Variants in TMEM235 observed in about 807,000 individuals in gnomAD.
TMEM235 encodes transmembrane protein 235, also known as claudin-27.
Under a neutral mutation model 22.9 loss-of-function variants are expected in TMEM235, and 23 were observed. The observed-to-expected ratio is 1.00, with a 90% CI of 0.72 to 1.42. TMEM235 has a LOEUF of 1.42. Among genes scored for constraint, TMEM235 ranks in the 40% most tolerant of loss-of-function variants. TMEM235 has a pLI of 0.00. For synonymous variants in TMEM235, 137 were observed against 140.5 expected (o/e 0.98, Z 0.17); for missense variants, 308 against 299.5 (o/e 1.03, Z -0.21).
At chr17:78,236,979 G>A (rs1436377405) in intron 4 of TMEM235, among the ~76,000 whole-genome samples, 1 of 152,250 alleles carries the variant, frequency 6.6e-6, no homozygotes, top group African/African-American at 2.4e-5. Context: ...ACCTTCGGGA[G>A]CCAGCGACTA....
At chr17:78,232,181 C>A in exon 2 of TMEM235, 1 of 1,493,306 alleles carries the variant, frequency 6.7e-7, no homozygotes, top group Non-Finnish European at 8.9e-7. Flanking sequence ...GAGCTGCTCT[C>A]CTCGCACTCG....
rs980429392 is a variant in TMEM235 at position 78,237,538 on chromosome 17, C to T, written c.410-1486C>T. ...CTTCATTTTGGGAGAAAGGCCGTGTCCTCGGCCAGGCTACAGGAGGCAGCT... is the reference window on the plus strand; with the variant it reads ...CTTCATTTTGGGAGAAAGGCCGTGTTCTCGGCCAGGCTACAGGAGGCAGCT... On this transcript the variant is annotated intron_variant, in intron 4 of 5. Transcript: ENST00000421688. This position sits in a 1 kb window ranked among gnomAD's most constrained non-coding sequence, Gnocchi z 4.7. 5.3e-5 allele frequency among the ~76,000 whole-genome samples: 8 copies of T among 152,128 alleles called. No individual in the cohort carries two copies. Among genetic ancestry groups the T allele is most frequent in the Non-Finnish European group, 1.2e-4 (8 of 68,020 alleles).
In TMEM235 at chr17:78,238,454, G is replaced by A. The variant is rs984882079; in HGVS notation, c.410-570G>A. ...GGGATGTTAGCCCCGGAGGTAGGGAGGGCAAAGGTGTGAGGAAGAGGAGGC... is the reference window on the plus strand; with the variant it reads ...GGGATGTTAGCCCCGGAGGTAGGGAAGGCAAAGGTGTGAGGAAGAGGAGGC... On this transcript the variant is annotated intron_variant, in intron 4 of 5. Coordinates refer to ENST00000421688, the Ensembl canonical transcript of TMEM235. The surrounding 1 kb of genome is among the most constrained non-coding windows in gnomAD (Gnocchi z 4.3). Among the ~76,000 whole-genome samples, 24 of 152,040 alleles carry A rather than the reference G, an allele frequency of 1.6e-4. No homozygotes were observed. Among genetic ancestry groups the A allele is most frequent in the African/African-American group, 5.8e-4 (24 of 41,408 alleles).
intron 5 of TMEM235, 76 bp from the exon 5 acceptor site, chr17:78,239,704 C>T (rs1420112212): frequency 1.9e-5 from 28 of 1,482,026 alleles, no homozygotes; most frequent in African/African-American, 1.1e-4. Flanking sequence ...TGTTAAATGC[C>T]GCAGGACTGG....
chr17:78,240,237 G>C (rs1483333636), exon 6 of TMEM235: 3 of 404,336 alleles, frequency 7.4e-6, no homozygotes, highest in Admixed American at 3.8e-5. Context: ...TGGTGGAGGA[G>C]TTTGGGGCCA....
chr17:78,231,564 G>A (rs1176862768), exon 2 of TMEM235: 1 of 1,303,814 alleles, frequency 7.7e-7, no homozygotes, highest in African/African-American at 1.5e-5. Context: ...GCACGGGTGG[G>A]TGGTCCTGCT....
In TMEM235 at chr17:78,238,516, C is replaced by T. The variant is rs1224978079; in HGVS notation, c.410-508C>T. On this transcript the variant is annotated intron_variant, in intron 4 of 5. Transcript: ENST00000421688. The surrounding 1 kb of genome is among the most constrained non-coding windows in gnomAD (Gnocchi z 4.3). ...GCAGGGACTCACTCTGATCAGAGCA[C>T]TGGGCAACGCTGCTGCCAGCAGAGG... Among the ~76,000 whole-genome samples the T allele has an allele frequency of 6.6e-6, 1 of 151,366 alleles. No individual in the cohort carries two copies. Among genetic ancestry groups the T allele is most frequent in the Non-Finnish European group, 1.5e-5 (1 of 67,898 alleles).
rs1474644719 is a variant in TMEM235 at position 78,238,332 on chromosome 17, G to C, written c.410-692G>C. ...ACCATGTGGAGAGCGGGAGGGAGGA[G>C]AGAGGAGGGCCCAGGGCAGGCATCC... On this transcript the variant is annotated intron_variant, in intron 4 of 5. Transcript: ENST00000421688. This position sits in a 1 kb window ranked among gnomAD's most constrained non-coding sequence, Gnocchi z 4.3. Among the ~76,000 whole-genome samples the C allele has an allele frequency of 6.6e-6, 1 of 152,062 alleles. No individual in the cohort carries two copies. The highest frequency in any genetic ancestry group is 1.5e-5 in the Non-Finnish European group (1 of 68,006).
rs141319760 is a variant in TMEM235, at chr17:78,237,091, C to T, written c.410-1933C>T. Among the ~76,000 whole-genome samples the T allele has an allele frequency of 8.9e-3, 1,349 of 152,200 alleles. 25 individuals carry two copies. Among genetic ancestry groups the T allele is most frequent in the African/African-American group, 0.031 (1,279 of 41,526 alleles). On this transcript the variant is annotated intron_variant, in intron 4 of 5. Transcript: ENST00000421688. The surrounding 1 kb of genome is among the most constrained non-coding windows in gnomAD (Gnocchi z 4.7). Reference sequence around the variant, plus strand: ...GGCACCGGCTAGGGGGTGGAGGGGCCGGAGGTAGCTGGTGGATGGGTGGGG... The same window carrying T: ...GGCACCGGCTAGGGGGTGGAGGGGCTGGAGGTAGCTGGTGGATGGGTGGGG...
chr17:78,238,925 A>AG lies in TMEM235; in HGVS notation c.410-98dup. ...CTGCCTGCAGCTCTGCCTGAATGCT[A>AG]GCGGGGCCGGGGATGCTGAGGCCAT... On this transcript the variant is annotated intron_variant, in intron 4 of 5. Coordinates refer to ENST00000421688, the Ensembl canonical transcript of TMEM235. The surrounding 1 kb of genome is among the most constrained non-coding windows in gnomAD (Gnocchi z 4.3). 1 of 1,453,326 alleles carries AG rather than the reference A, an allele frequency of 6.9e-7. No individual in the cohort carries two copies. The highest frequency in any genetic ancestry group is 1.4e-5 in the South Asian group (1 of 72,350). 90.0% of individuals were successfully genotyped at this position (1,453,326 alleles called of 1,614,324 possible). A position where few individuals can be genotyped will look rare whatever the true frequency, so the allele number is the denominator to read the frequency against.
intron 5 of TMEM235, 147 bp from the exon 5 acceptor site, chr17:78,239,633 C>T (rs763332131): frequency 1.3e-5 from 18 of 1,415,024 alleles, no homozygotes; most frequent in African/African-American, 1.4e-5. Flanking sequence ...GCCCCTCCCC[C>T]AGCAGGCTAG....
At chr17:78,239,991 C>T in exon 6 of TMEM235, 2 of 1,541,288 alleles carry the variant, frequency 1.3e-6, no homozygotes, top group Non-Finnish European at 1.8e-6. Flanking sequence ...CAGATGTACC[C>T]CTCTGCCCCC....
chr17:78,237,585 T>G lies in TMEM235; in HGVS notation c.410-1439T>G, dbSNP rs1332658134. Among the ~76,000 whole-genome samples, 1 of 151,942 alleles carries G rather than the reference T, an allele frequency of 6.6e-6. No homozygotes were observed. The highest frequency in any genetic ancestry group is 1.5e-5 in the Non-Finnish European group (1 of 67,956). ...AGCTGGTGTTTGGAGAGGGCTCAGC[T>G]GGTGGGGCGGCCTGCCAGGAAGTGG... On this transcript the variant is annotated intron_variant, in intron 4 of 5. Transcript: ENST00000421688. The surrounding 1 kb of genome is among the most constrained non-coding windows in gnomAD (Gnocchi z 4.7).
Position 78,232,216 on chromosome 17 carries a change from A to G in TMEM235, c.190+3A>G. On this transcript the variant is annotated splice_donor_region_variant and intron_variant, in intron 2 of 5. Coordinates refer to ENST00000421688, the Ensembl canonical transcript of TMEM235. The stretch of plus-strand genomic sequence containing the variant: ...GGGGCTCTGGCGCATCTGCGAAGGT[A>G]ACCGGCCACCGCGCCGGCCCTCCTC... 1 of 1,457,952 alleles carries G rather than the reference A, an allele frequency of 6.9e-7. No homozygotes were observed. The highest frequency in any genetic ancestry group is 2.5e-5 in the Admixed American group (1 of 40,730). 90.3% of individuals were successfully genotyped at this position (1,457,952 alleles called of 1,614,324 possible).
At chr17:78,236,413 C>T (rs1456350664) in intron 4 of TMEM235, among the ~76,000 whole-genome samples, 1 of 152,234 alleles carries the variant, frequency 6.6e-6, no homozygotes, top group African/African-American at 2.4e-5. Flanking sequence ...TAACCGGTAA[C>T]CACCCATCCA....
Position 78,237,526 on chromosome 17 carries a change from G to T in TMEM235, c.410-1498G>T, listed in dbSNP as rs2076657296. Among the ~76,000 whole-genome samples the T allele has an allele frequency of 1.3e-5, 2 of 152,130 alleles. No homozygotes were observed. The highest frequency in any genetic ancestry group is 1.3e-4 in the Admixed American group (2 of 15,280). ...CTTACTCTTCACCTTCATTTTGGGA[G>T]AAAGGCCGTGTCCTCGGCCAGGCTA... is the stretch of plus-strand genomic sequence containing the variant. On this transcript the variant is annotated intron_variant, in intron 4 of 5. Transcript: ENST00000421688. The surrounding 1 kb of genome is among the most constrained non-coding windows in gnomAD (Gnocchi z 4.7).
chr17:78,239,728 C>G, intron 5 of TMEM235, 52 bp from the exon 5 acceptor site: 1 of 1,508,988 alleles, frequency 6.6e-7, no homozygotes, highest in Non-Finnish European at 8.9e-7. Flanking sequence ...CCATGCTCCT[C>G]TCCAGCCCCG....
chr17:78,235,599 GTT>G (rs71160277), intron 4 of TMEM235, among the ~76,000 whole-genome samples: 3 of 118,824 alleles, frequency 2.5e-5, no homozygotes, highest in African/African-American at 3.2e-5. Flanking sequence ...GTGCTACATA[GTT>G]TTTTTTTTTT....
At chr17:78,231,809 G>T (rs1371441346) in exon 2 of TMEM235, 10 of 1,209,218 alleles carry the variant, frequency 8.3e-6, no homozygotes, top group Non-Finnish European at 1.1e-5. Context: ...TCCCCCAGGG[G>T]CGAGCTCAGC....
Sources: gnomAD v4.1 joint callset for allele counts (sites outside exome capture counted in the v4.1 genomes callset) on GRCh38, gnomAD v4.1.1 for gene constraint, Gnocchi (gnomAD v3.1) non-coding constraint, MANE v1.5 for transcripts, NCBI Gene and HGNC (gene_info 2026-07-23, HGNC 2026-07-21) for gene names.